The following TMTC3 variants were observed in gnomAD, a reference collection of about 807,000 sequenced individuals.
TMTC3 encodes the protein transmembrane O-mannosyltransferase targeting cadherins 3, also known as protein O-mannosyl-transferase TMTC3.
TMTC3 carries 52 observed loss-of-function variants against 92.2 expected under a neutral mutation model. That is an observed-to-expected ratio of 0.56 (90% CI 0.45 to 0.71). The LOEUF is 0.71. Among genes scored for constraint, TMTC3 ranks in the 30% least tolerant of loss-of-function variants. The pLI, the probability that TMTC3 is intolerant of heterozygous loss-of-function variation, is 0.00. For missense variants in TMTC3, 896 were observed against 1,057.1 expected (o/e 0.85, Z 2.11); for synonymous variants, 339 against 363.3 (o/e 0.93, Z 0.76).
chr12:88,147,285 G>T (rs1453113682), intron 1 of TMTC3, among the ~76,000 whole-genome samples: 1 of 151,946 alleles, frequency 6.6e-6, no homozygotes, highest in Non-Finnish European at 1.5e-5. Flanking sequence ...CTTTCCTGTG[G>T]TTAGAACATT....
rs941888033 is a variant in TMTC3 at position 88,198,528 on chromosome 12, A to G, written c.*2879A>G. 1.3e-5 allele frequency: 5 copies of G among 396,760 alleles called. No individual in the cohort carries two copies. The highest frequency in any genetic ancestry group is 1.0e-4 in the African/African-American group (5 of 48,604). 24.6% of individuals were successfully genotyped at this position (396,760 alleles called of 1,614,324 possible). ...CTTATTAACATTCAGAATTGGGAATATTAATTTTTCCAGTGAGTAGTTTTC... is the reference window on the plus strand; with the variant it reads ...CTTATTAACATTCAGAATTGGGAATGTTAATTTTTCCAGTGAGTAGTTTTC... On this transcript the variant is annotated 3_prime_UTR_variant, in exon 14 of 14. Coordinates refer to ENST00000266712, the MANE Select transcript of TMTC3 (RefSeq NM_181783.4).
chr12:88,194,752 G>T, intron 13 of TMTC3, 86 bp from the exon 14 acceptor site: 1 of 895,044 alleles, frequency 1.1e-6, no homozygotes, highest in Non-Finnish European at 1.5e-6. Context: ...CTGTCTTTTT[G>T]TAATCTAAGT....
chr12:88,186,072 C>T (rs1315257358), intron 10 of TMTC3, among the ~76,000 whole-genome samples: 1 of 151,954 alleles, frequency 6.6e-6, no homozygotes, highest in African/African-American at 2.4e-5. Flanking sequence ...ACATAATTGC[C>T]TAAGCCATCA....
chr12:88,156,570 C>G (rs2041012131), intron 4 of TMTC3, among the ~76,000 whole-genome samples: 1 of 152,150 alleles, frequency 6.6e-6, no homozygotes, highest in African/African-American at 2.4e-5. Context: ...CTTACCCCAT[C>G]AAGACTTCTG....
At chr12:88,192,000 T>C (rs1196160970) in intron 12 of TMTC3, among the ~76,000 whole-genome samples, 2 of 149,880 alleles carry the variant, frequency 1.3e-5, no homozygotes, top group African/African-American at 5.0e-5. Context: ...CGAGCCACCA[T>C]GCCCAGCATT....
chr12:88,144,774 T>C (rs998951553), intron 1 of TMTC3, among the ~76,000 whole-genome samples: 2 of 152,228 alleles, frequency 1.3e-5, no homozygotes, highest in African/African-American at 4.8e-5. Context: ...ACAAGTCAAC[T>C]AAGTTTTTAT....
chr12:88,195,229 C>G lies in TMTC3; in HGVS notation c.2325C>G (p.His775Gln). 1 of 1,613,796 alleles carries G rather than the reference C, an allele frequency of 6.2e-7. No individual in the cohort carries two copies. The highest frequency in any genetic ancestry group is 1.7e-5 in the Admixed American group (1 of 59,960). ...EMDPSNVQGK[H>Q]NLCVVYFEEK... ...ATCCAAGCAATGTGCAAGGAAAACA[C>G]AATCTTTGTGTTGTTTATTTTGAAG... Residue 775 changes from histidine to glutamine, a missense_variant, in exon 14 of 14, where the codon CAC (histidine) becomes CAG (glutamine). His to Gln is a conservative substitution (Grantham distance 24). Transcript: ENST00000266712.
intron 5 of TMTC3, 116 bp downstream of exon 5, chr12:88,160,345 C>T (rs932801526): frequency 5.1e-6 from 3 of 592,268 alleles, no homozygotes; most frequent in Non-Finnish European, 8.1e-6. Context: ...ATGTGTTTAC[C>T]AATAATAATA....
intron 8 of TMTC3, chr12:88,172,982 CTT>C (rs1468309466): frequency 6.3e-6 from 9 of 1,418,366 alleles, no homozygotes; most frequent in Admixed American, 2.1e-5. Context: ...ACAGAACAAA[CTT>C]TGAGTCAGAT....
intron 13 of TMTC3, among the ~76,000 whole-genome samples, chr12:88,193,840 A>G (rs995354221): frequency 6.6e-6 from 1 of 152,198 alleles, no homozygotes; most frequent in African/African-American, 2.4e-5. Context: ...ATTATTCGAC[A>G]CAAGATTGTA....
At position 88,170,374 on chromosome 12, in the gene TMTC3, G is replaced by A. The variant is rs116000283; in HGVS notation, c.1051-2223G>A. Among the ~76,000 whole-genome samples the A allele has an allele frequency of 5.5e-3, 836 of 152,086 alleles. 14 individuals carry two copies. The highest frequency in any genetic ancestry group is 0.019 in the African/African-American group (781 of 41,474). On this transcript the variant is annotated intron_variant, in intron 7 of 13. Coordinates refer to ENST00000266712, the MANE Select transcript of TMTC3 (RefSeq NM_181783.4). ...TTCAATGAACTACATACATATTCAG[G>A]AACTTTTCTTTATCTGTTTCACATT...
At position 88,190,514 on chromosome 12, in the gene TMTC3, A is replaced by G; in HGVS notation, c.1598A>G (p.Asn533Ser). 3 of 1,613,942 alleles carry G rather than the reference A, an allele frequency of 1.9e-6. No homozygotes were observed. Among genetic ancestry groups the G allele is most frequent in the Non-Finnish European group, 2.5e-6 (3 of 1,179,902 alleles). Residue 533 changes from asparagine (N) to serine (S), a missense_variant, in exon 12 of 14, where the codon AAT becomes AGT. Asn to Ser is a conservative substitution (Grantham distance 46, BLOSUM62 1). Transcript: ENST00000266712. ...IAPNHLNVYI[N>S]LANLIRANES... ...CCTAACCACCTAAATGTTTATATCAATCTGGCTAACCTGATCCGAGCAAAT... is the reference window on the plus strand; with the variant it reads ...CCTAACCACCTAAATGTTTATATCAGTCTGGCTAACCTGATCCGAGCAAAT...
At chr12:88,148,651 T>G in intron 2 of TMTC3, 147 bp downstream of exon 2, 1 of 610,842 alleles carries the variant, frequency 1.6e-6, no homozygotes, top group South Asian at 2.8e-5. Flanking sequence ...GTAACATGTT[T>G]GTAATAAATT....
At chr12:88,175,076 A>C (rs956527674) in intron 9 of TMTC3, among the ~76,000 whole-genome samples, 1 of 152,134 alleles carries the variant, frequency 6.6e-6, no homozygotes, top group Admixed American at 6.6e-5. Flanking sequence ...TCTTACAGTG[A>C]AAAGCATCTT....
chr12:88,169,544 A>G (rs1165987538), intron 7 of TMTC3, among the ~76,000 whole-genome samples: 5 of 152,180 alleles, frequency 3.3e-5, no homozygotes, highest in African/African-American at 1.2e-4. Context: ...GATAAGTAGA[A>G]CAAAGGAGCA....
chr12:88,199,230 C>T lies in TMTC3; in HGVS notation c.*3581C>T, dbSNP rs895610078. On this transcript the variant is annotated 3_prime_UTR_variant, in exon 14 of 14. Transcript: ENST00000266712. The stretch of plus-strand genomic sequence containing the variant: ...AACAACTCAGACTTGGAATTTTATA[C>T]GAATTTCATTTCTATATGTGCCTGG... 1.1e-4 allele frequency: 17 copies of T among 152,062 alleles called. No individual in the cohort carries two copies. Among genetic ancestry groups the T allele is most frequent in the African/African-American group, 3.6e-4 (15 of 41,512 alleles). 9.4% of individuals were successfully genotyped at this position (152,062 alleles called of 1,614,324 possible). A position where few individuals can be genotyped will look rare whatever the true frequency, so the allele number is the denominator to read the frequency against.
At chr12:88,191,558 A>T (rs2041442660) in intron 12 of TMTC3, among the ~76,000 whole-genome samples, 1 of 152,188 alleles carries the variant, frequency 6.6e-6, no homozygotes, top group Non-Finnish European at 1.5e-5. Context: ...ATTACTTTTT[A>T]AAATTTTCTA....
intron 10 of TMTC3, among the ~76,000 whole-genome samples, chr12:88,181,686 G>T (rs1048896281): frequency 6.6e-6 from 1 of 152,188 alleles, no homozygotes; most frequent in Admixed American, 6.5e-5. Flanking sequence ...GCTGTCTTAA[G>T]CTTCTGTAAT....
chr12:88,171,679 T>G (rs1365562327), intron 7 of TMTC3, among the ~76,000 whole-genome samples: 12 of 152,262 alleles, frequency 7.9e-5, no homozygotes, highest in Admixed American at 7.9e-4. Context: ...GGAGGTCAGA[T>G]CTCTCTTCAA....
Sources: allele counts gnomAD v4.1 joint callset (sites outside exome capture counted in the v4.1 genomes callset), GRCh38; gene constraint gnomAD v4.1.1; transcripts MANE v1.5; gene names NCBI Gene and HGNC (gene_info 2026-07-23, HGNC 2026-07-21).